The following LRRTM4 variants were observed in gnomAD, a reference collection of about 807,000 sequenced individuals.
LRRTM4 encodes leucine-rich repeat transmembrane neuronal protein 4.
LRRTM4 carries 25 observed loss-of-function variants against 47.6 expected under a neutral mutation model. That is an observed-to-expected ratio of 0.53 (90% CI 0.38 to 0.73). The LOEUF is 0.73. Ranked by LOEUF, LRRTM4 falls within the 30% of genes least tolerant of loss-of-function variation. The pLI is 0.00. For synonymous variants in LRRTM4, 311 were observed against 269.5 expected (o/e 1.15, Z -1.51); for missense variants, 638 against 713.4 (o/e 0.89, Z 1.20).
At chr2:76,918,392 T>G (rs1395716400) in intron 3 of LRRTM4, among the ~76,000 whole-genome samples, 1 of 152,180 alleles carries the variant, frequency 6.6e-6, no homozygotes, top group Non-Finnish European at 1.5e-5. Flanking sequence ...AGATCAAATC[T>G]CATATGTACA....
chr2:76,957,614 A>C (rs1452996139), intron 3 of LRRTM4, among the ~76,000 whole-genome samples: 1 of 151,788 alleles, frequency 6.6e-6, no homozygotes, highest in East Asian at 1.9e-4. Context: ...AATCTTTATC[A>C]AACTTGGATT....
At chr2:77,308,007 A>G (rs1412305174) in intron 3 of LRRTM4, among the ~76,000 whole-genome samples, 5 of 139,632 alleles carry the variant, frequency 3.6e-5, no homozygotes, top group Non-Finnish European at 7.6e-5. Context: ...TACAACATAT[A>G]TGTTACATAT....
At position 77,116,033 on chromosome 2, in the gene LRRTM4, C is replaced by T. The variant is rs75191815; in HGVS notation, c.1552-367117G>A. On this transcript the variant is annotated intron_variant, in intron 3 of 3. Transcript: ENST00000409884. The stretch of plus-strand genomic sequence containing the variant: ...TGTCCTCCCTGAAAATCAGTGCTCC[C>T]TTGACTGAAAGCAGAGATACATAGG... Among the ~76,000 whole-genome samples the T allele has an allele frequency of 3.4e-3, 515 of 152,188 alleles. 3 individuals carry two copies. The highest frequency in any genetic ancestry group is 0.014 in the Middle Eastern group (4 of 294).
chr2:76,942,201 G>C (rs1675168731), intron 3 of LRRTM4, among the ~76,000 whole-genome samples: 1 of 151,974 alleles, frequency 6.6e-6, no homozygotes, highest in African/African-American at 2.4e-5. Context: ...GTAGATTCTG[G>C]ATATTAGCCC....
intron 3 of LRRTM4, among the ~76,000 whole-genome samples, chr2:76,984,403 A>G (rs979267808): frequency 3.9e-5 from 6 of 152,040 alleles, no homozygotes; most frequent in African/African-American, 1.4e-4. Flanking sequence ...GAGAATGAAC[A>G]ACAAAAACAG....
At chr2:77,183,864 T>C (rs1318154075) in intron 3 of LRRTM4, among the ~76,000 whole-genome samples, 1 of 151,988 alleles carries the variant, frequency 6.6e-6, no homozygotes, top group Non-Finnish European at 1.5e-5. Flanking sequence ...TTCTGACTCA[T>C]AGGTGGGAAT....
chr2:76,750,967 AAAATT>A (rs1672830285), intron 3 of LRRTM4, among the ~76,000 whole-genome samples: 1 of 152,130 alleles, frequency 6.6e-6, no homozygotes, highest in African/African-American at 2.4e-5. Flanking sequence ...AAGCATTTAA[AAAATT>A]AAATTAGCTA....
intron 3 of LRRTM4, among the ~76,000 whole-genome samples, chr2:76,936,831 G>A (rs1233980498): frequency 6.6e-6 from 1 of 150,870 alleles, no homozygotes; most frequent in African/African-American, 2.4e-5. Context: ...GCAGGCAACT[G>A]TAATCCCAGC....
At chr2:77,500,627 A>G (rs1213329744) in intron 3 of LRRTM4, among the ~76,000 whole-genome samples, 4 of 151,698 alleles carry the variant, frequency 2.6e-5, no homozygotes, top group Non-Finnish European at 5.9e-5. Flanking sequence ...ATGAAAATCA[A>G]CATAAGTAAG....
rs1339171456 is a variant in LRRTM4, at chr2:77,091,308, A to T, written c.1552-342392T>A. ...CTCCCTCCTTGGCGACCGATCATGC[A>T]CCCCTTACCATCTCATTAAAACCTA... is the stretch of plus-strand genomic sequence containing the variant. On this transcript the variant is annotated intron_variant, in intron 3 of 3. Coordinates refer to ENST00000409884, the MANE Select transcript of LRRTM4 (RefSeq NM_001134745.3). 4.2e-5 allele frequency among the ~76,000 whole-genome samples: 6 copies of T among 144,344 alleles called. No homozygotes were observed. In the South Asian group the frequency reaches 1.3e-3, roughly 32 times the overall value. The allele number at this position is 144,344 out of a possible 152,430, so 94.7% of individuals were successfully genotyped here. A position where few individuals can be genotyped will look rare whatever the true frequency, so the allele number is the denominator to read the frequency against.
At chr2:77,507,325 C>T (rs867943685) in intron 3 of LRRTM4, among the ~76,000 whole-genome samples, 77 of 152,004 alleles carry the variant, frequency 5.1e-4, no homozygotes, top group African/African-American at 1.7e-3. Flanking sequence ...TAGTAAAAAA[C>T]TCAGTGAGAA....
chr2:77,426,115 CAAAA>C (rs149112731), intron 3 of LRRTM4, among the ~76,000 whole-genome samples: 1 of 119,480 alleles, frequency 8.4e-6, no homozygotes, highest in Non-Finnish European at 1.8e-5. Flanking sequence ...GAGACACCGT[CAAAA>C]AAAAAAAAAA....
chr2:77,094,433 A>C (rs779748486), intron 3 of LRRTM4, among the ~76,000 whole-genome samples: 22 of 152,172 alleles, frequency 1.4e-4, no homozygotes, highest in Non-Finnish European at 2.8e-4. Context: ...AAAAATCCTG[A>C]AATTTGTATG....
intron 3 of LRRTM4, among the ~76,000 whole-genome samples, chr2:76,981,961 A>T (rs1676624566): frequency 6.6e-6 from 1 of 152,062 alleles, no homozygotes; most frequent in Admixed American, 6.6e-5. Flanking sequence ...ACTGAAAATT[A>T]AACTGCCTCG....
chr2:77,357,178 C>G (rs947763771), intron 3 of LRRTM4, among the ~76,000 whole-genome samples: 1 of 151,870 alleles, frequency 6.6e-6, no homozygotes, highest in Non-Finnish European at 1.5e-5. Context: ...AAATTTAAAT[C>G]GACTTCATTT....
At chr2:77,249,240 C>T (rs942124099) in intron 3 of LRRTM4, among the ~76,000 whole-genome samples, 9 of 152,008 alleles carry the variant, frequency 5.9e-5, no homozygotes, top group East Asian at 1.9e-4. Context: ...ATCCCAGCTA[C>T]TCAGGAAGCT....
intron 3 of LRRTM4, among the ~76,000 whole-genome samples, chr2:76,956,946 A>G (rs1675694686): frequency 6.6e-6 from 1 of 151,598 alleles, no homozygotes; most frequent in Non-Finnish European, 1.5e-5. Flanking sequence ...GTGATCAAAA[A>G]CTTCCCAAAA....
intron 3 of LRRTM4, among the ~76,000 whole-genome samples, chr2:77,110,232 A>G (rs1375674934): frequency 6.6e-6 from 1 of 152,182 alleles, no homozygotes; most frequent in Non-Finnish European, 1.5e-5. Flanking sequence ...TTACCTGAAA[A>G]CAGACAACTG....
chr2:76,756,003 A>G (rs542173081), intron 3 of LRRTM4, among the ~76,000 whole-genome samples: 1 of 152,240 alleles, frequency 6.6e-6, no homozygotes, highest in East Asian at 1.9e-4. Flanking sequence ...CTATCATAAG[A>G]CTGAAAGAGC....
Sources: allele counts gnomAD v4.1 joint callset (sites outside exome capture counted in the v4.1 genomes callset), GRCh38; gene constraint gnomAD v4.1.1; transcripts MANE v1.5; gene names NCBI Gene and HGNC (gene_info 2026-07-23, HGNC 2026-07-21).